MON1B: variants seen among roughly 807,000 people sequenced by gnomAD.
The protein encoded by MON1B is MON1 vesicular trafficking associated B, also known as vacuolar fusion protein MON1 homolog B.
In MON1B, 26 loss-of-function variants were observed where a neutral mutation model predicts 45.1. That is an observed-to-expected ratio of 0.58 (90% CI 0.42 to 0.80). The LOEUF (loss-of-function observed/expected upper bound fraction) is 0.80. Among genes scored for constraint, MON1B ranks in the 30% least tolerant of loss-of-function variants. The pLI, the probability that MON1B is intolerant of heterozygous loss-of-function variation, is 0.00. For missense variants in MON1B, 737 were observed against 754.5 expected (o/e 0.98, Z 0.27); for synonymous variants, 395 against 320.2 (o/e 1.23, Z -2.49).
rs1412505749 is a variant in MON1B, at chr16:77,199,156, C to T, written c.*848C>T. On this transcript the variant is annotated 3_prime_UTR_variant, in exon 6 of 6. Coordinates refer to ENST00000248248, the MANE Select transcript of MON1B (RefSeq NM_014940.4). ...TGACAACCTGCACAAGACAAGCAGC[C>T]TAAAGCAGGAGAGACCTCCCTAGGG... 2.6e-6 allele frequency: 1 copy of T among 388,920 alleles called. No individual in the cohort carries two copies. The highest frequency in any genetic ancestry group is 5.5e-5 in the South Asian group (1 of 18,254). 24.1% of individuals were successfully genotyped at this position (388,920 alleles called of 1,614,324 possible).
Position 77,194,945 on chromosome 16 carries a change from C to T in MON1B, c.1086C>T (p.Ala362=), listed in dbSNP as rs2054650392. 6.2e-7 allele frequency: 1 copy of T among 1,613,814 alleles called. No homozygotes were observed. The highest frequency in any genetic ancestry group is 8.5e-7 in the Non-Finnish European group (1 of 1,179,940). The change falls in exon 4 of 6, where the codon GCC becomes GCT. Residue 362 remains alanine (A), a synonymous_variant. Coordinates refer to ENST00000248248, the MANE Select transcript of MON1B (RefSeq NM_014940.4). This position sits in a 1 kb window ranked among gnomAD's most constrained non-coding sequence, Gnocchi z 8.1. ...LLGTQREAFH[A]MAACRRLVED... ...GCACCCAACGTGAAGCCTTCCATGC[C>T]ATGGCCGCCTGCCGGCGCCTGGTTG...
rs1301422463 is a variant in MON1B at position 77,199,361 on chromosome 16, C to G, written c.*1053C>G. ...ACCGCTGGCGTAACCGCGGGTTGCACGCATGCGTGCTGAAAAGCCTTTCAC... is the reference window on the plus strand; with the variant it reads ...ACCGCTGGCGTAACCGCGGGTTGCAGGCATGCGTGCTGAAAAGCCTTTCAC... On this transcript the variant is annotated 3_prime_UTR_variant, in exon 6 of 6. Coordinates refer to ENST00000248248, the MANE Select transcript of MON1B (RefSeq NM_014940.4). 3 of 1,324,770 alleles carry G rather than the reference C, an allele frequency of 2.3e-6. No individual in the cohort carries two copies. The highest frequency in any genetic ancestry group is 2.9e-5 in the African/African-American group (2 of 67,802). 82.1% of individuals were successfully genotyped at this position (1,324,770 alleles called of 1,614,324 possible).
In MON1B at chr16:77,200,272, G is replaced by GTATATGTGTATATATATATATA. The variant is rs1333107439; in HGVS notation, c.*1965_*1966insATATGTGTATATATATATATAT. 1 of 84,658 alleles carries GTATATGTGTATATATATATATA rather than the reference G, an allele frequency of 1.2e-5. No homozygotes were observed. Among genetic ancestry groups the GTATATGTGTATATATATATATA allele is most frequent in the South Asian group, 3.3e-4 (1 of 3,052 alleles). The allele number at this position is 84,658 out of a possible 1,614,324, so 5.2% of individuals were successfully genotyped here. On this transcript the variant is annotated 3_prime_UTR_variant, in exon 6 of 6. Transcript: ENST00000248248. ...TGTATATGTGTATATATATATATAT[G>GTATATGTGTATATATATATATA]TGTATATATATATATATATACACAC...
chr16:77,194,279 C>T lies in MON1B; in HGVS notation c.476-56C>T. 6.8e-7 allele frequency: 1 copy of T among 1,478,924 alleles called. No homozygotes were observed. Among genetic ancestry groups the T allele is most frequent in the Non-Finnish European group, 9.3e-7 (1 of 1,071,004 alleles). 91.6% of individuals were successfully genotyped at this position (1,478,924 alleles called of 1,614,324 possible). ...GAGGGCAGAAGAGCCCCACTGTCTC[C>T]CTCTGGTCATTCCTGATCCAGCTGT... On this transcript the variant is annotated intron_variant, in intron 3 of 5. Transcript: ENST00000248248. The surrounding 1 kb of genome is among the most constrained non-coding windows in gnomAD (Gnocchi z 8.1).
chr16:77,199,307 G>T lies in MON1B; in HGVS notation c.*999G>T. On this transcript the variant is annotated 3_prime_UTR_variant, in exon 6 of 6. Coordinates refer to ENST00000248248, the MANE Select transcript of MON1B (RefSeq NM_014940.4). ...GGCAATCAGGGCCGCAGTGTGTTCT[G>T]CGCCTGCCCAGAGCTGACTCCTGAT... 1.4e-6 allele frequency: 1 copy of T among 723,338 alleles called. No individual in the cohort carries two copies. Among genetic ancestry groups the T allele is most frequent in the East Asian group, 2.7e-5 (1 of 36,780 alleles). 44.8% of individuals were successfully genotyped at this position (723,338 alleles called of 1,614,324 possible).
In MON1B at chr16:77,191,265, G is replaced by C. The variant is rs1390704933; in HGVS notation, c.-11+7G>C. 1 of 1,540,460 alleles carries C rather than the reference G, an allele frequency of 6.5e-7. No individual in the cohort carries two copies. The highest frequency in any genetic ancestry group is 1.4e-5 in the African/African-American group (1 of 73,180). ...AGATTCGGAGTTAAAACAGGTGTTT[G>C]TATATCTCTATTTCCTGAGGCCCAG... On this transcript the variant is annotated splice_region_variant and intron_variant, in intron 1 of 5. Transcript: ENST00000248248.
rs767304693 is a variant in MON1B at position 77,195,592 on chromosome 16, G to A, written c.1353G>A (p.Leu451=). Reference sequence around the variant, plus strand: ...AGGAGCGGCAGCGGCTGTCGGACCTGTACCACCGCCTGCATGCTCGTCTCC... The same window carrying A: ...AGGAGCGGCAGCGGCTGTCGGACCTATACCACCGCCTGCATGCTCGTCTCC... ...REEERQRLSD[L]YHRLHARLHS... Residue 451 remains leucine, a synonymous_variant, in exon 5 of 6, where the codon CTG becomes CTA. Coordinates refer to ENST00000248248, the MANE Select transcript of MON1B (RefSeq NM_014940.4). 1 of 1,614,054 alleles carries A rather than the reference G, an allele frequency of 6.2e-7. No individual in the cohort carries two copies. Among genetic ancestry groups the A allele is most frequent in the Admixed American group, 1.7e-5 (1 of 60,004 alleles).
rs1040616072 is a variant in MON1B, at chr16:77,199,634, T to G, written c.*1326T>G. 1.4e-5 allele frequency: 12 copies of G among 879,580 alleles called. No individual in the cohort carries two copies. The highest frequency in any genetic ancestry group is 2.1e-5 in the Non-Finnish European group (12 of 579,502). The allele number at this position is 879,580 out of a possible 1,614,324, so 54.5% of individuals were successfully genotyped here. The stretch of plus-strand genomic sequence containing the variant: ...ATTTTTTTAAATAAAATGTTAAGCC[T>G]TTTGTTATTGAAGAAAAACAATTTT... On this transcript the variant is annotated 3_prime_UTR_variant, in exon 6 of 6. Transcript: ENST00000248248.
Position 77,194,458 on chromosome 16 carries a change from C to T in MON1B, c.599C>T (p.Thr200Ile). ...LLAVHAQIVS[T>I]LTRASVARIF... is the part of the protein sequence containing the mutation. ...GCTGTGCACGCACAGATCGTGAGCA[C>T]ACTTACACGTGCAAGTGTCGCCCGC... is the stretch of plus-strand genomic sequence containing the variant. Residue 200 changes from threonine to isoleucine, a missense_variant, in exon 4 of 6, where the codon ACA becomes ATA. Coordinates refer to ENST00000248248, the MANE Select transcript of MON1B (RefSeq NM_014940.4). The surrounding 1 kb of genome is among the most constrained non-coding windows in gnomAD (Gnocchi z 8.1). The T allele has an allele frequency of 1.2e-6, 2 of 1,614,088 alleles. No individual in the cohort carries two copies. The highest frequency in any genetic ancestry group is 1.7e-6 in the Non-Finnish European group (2 of 1,180,020).
chr16:77,199,539 CT>C lies in MON1B; in HGVS notation c.*1234del. On this transcript the variant is annotated 3_prime_UTR_variant, in exon 6 of 6. Coordinates refer to ENST00000248248, the MANE Select transcript of MON1B (RefSeq NM_014940.4). Reference sequence around the variant, plus strand: ...TAGTGAGGGCAAGTGGGCTGCACTCCTTTCTCTCCAACCAGGGCAGAAAGGA... The same window carrying C: ...TAGTGAGGGCAAGTGGGCTGCACTCCTTCTCTCCAACCAGGGCAGAAAGGA... 1 of 1,522,050 alleles carries C rather than the reference CT, an allele frequency of 6.6e-7. No individual in the cohort carries two copies. Among genetic ancestry groups the C allele is most frequent in the Non-Finnish European group, 8.9e-7 (1 of 1,120,638 alleles). The allele number at this position is 1,522,050 out of a possible 1,614,324, so 94.3% of individuals were successfully genotyped here.
chr16:77,199,111 T>G lies in MON1B; in HGVS notation c.*803T>G, dbSNP rs545144328. On this transcript the variant is annotated 3_prime_UTR_variant, in exon 6 of 6. Coordinates refer to ENST00000248248, the MANE Select transcript of MON1B (RefSeq NM_014940.4). The stretch of plus-strand genomic sequence containing the variant: ...CTATTGTGTACCACCACATAGCACA[T>G]GCACGTCTGTCCCAGACTTTGACAA... The G allele has an allele frequency of 1.0e-5, 3 of 297,326 alleles. No individual in the cohort carries two copies. The highest frequency in any genetic ancestry group is 1.9e-5 in the Non-Finnish European group (3 of 160,580). 18.4% of individuals were successfully genotyped at this position (297,326 alleles called of 1,614,324 possible).
Position 77,193,741 on chromosome 16 carries a change from CAG to C in MON1B, c.442_443del (p.Ser148CysfsTer11). 1 of 1,613,784 alleles carries C rather than the reference CAG, an allele frequency of 6.2e-7. No individual in the cohort carries two copies. Among genetic ancestry groups the C allele is most frequent in the Non-Finnish European group, 8.5e-7 (1 of 1,179,824 alleles). On this transcript the variant is annotated frameshift_variant, in exon 3 of 6. Transcript: ENST00000248248. LOFTEE classifies it high-confidence loss of function. This position sits in a 1 kb window ranked among gnomAD's most constrained non-coding sequence, Gnocchi z 5.0. Reference sequence around the variant, plus strand: ...AATGACCGCCCTGGTGTCCTTTGTGCAGAGTGCGGGAGATGCCATCCGTGCCA... The same window carrying C: ...AATGACCGCCCTGGTGTCCTTTGTGCAGTGCGGGAGATGCCATCCGTGCCA... ...GVMTALVSFV[Q>X]SAGDAIRAIY...
Position 77,198,299 on chromosome 16 carries a change from T to C in MON1B, c.1635T>C (p.Thr545=). 2.5e-6 allele frequency: 4 copies of C among 1,614,054 alleles called. No homozygotes were observed. The South Asian group carries it at 3.3e-5, about 13-fold the overall frequency. ...TDQAAHNGLF[T]GL ...AAGCTGCCCATAATGGCTTGTTCAC[T>C]GGACTCTGATAGTTGGAGCTCCCAG... The change falls in exon 6 of 6, where the codon ACT becomes ACC. Residue 545 remains threonine, a synonymous_variant. Coordinates refer to ENST00000248248, the MANE Select transcript of MON1B (RefSeq NM_014940.4).
rs1567418976 is a variant in MON1B at position 77,194,713 on chromosome 16, T to C, written c.854T>C (p.Ile285Thr). The change falls in exon 4 of 6, where the codon ATA becomes ACA. Residue 285 changes from isoleucine (I) to threonine (T), a missense_variant. Physicochemically the swap from Ile to Thr is moderately conservative, Grantham distance 89 (BLOSUM62 -1). Coordinates refer to ENST00000248248, the MANE Select transcript of MON1B (RefSeq NM_014940.4). The surrounding 1 kb of genome is among the most constrained non-coding windows in gnomAD (Gnocchi z 8.1). ...GTGCTGGCAGTAGGCGGTCGACTTA[T>C]AACAGCAGCCCAGGAGCGAAATGTG... Reference protein sequence around the residue: ...LSVLAVGGRLITAAQERNVLA... With the variant: ...LSVLAVGGRLTTAAQERNVLA... 6 of 1,613,740 alleles carry C rather than the reference T, an allele frequency of 3.7e-6. No individual in the cohort carries two copies. The Admixed American group carries it at 5.0e-5, about 13-fold the overall frequency.
chr16:77,191,949 A>T (rs755888103), intron 2 of MON1B, among the ~76,000 whole-genome samples: 7 of 151,916 alleles, frequency 4.6e-5, no homozygotes, highest in Non-Finnish European at 1.0e-4. Context: ...CGCTGAAGAA[A>T]GTCAATAGAC....
rs1255566720 is a variant in MON1B at position 77,193,211 on chromosome 16, C to T, written c.149-240C>T. Among the ~76,000 whole-genome samples the T allele has an allele frequency of 1.3e-5, 2 of 152,070 alleles. No homozygotes were observed. Among genetic ancestry groups the T allele is most frequent in the Non-Finnish European group, 2.9e-5 (2 of 68,008 alleles). On this transcript the variant is annotated intron_variant, in intron 2 of 5. Transcript: ENST00000248248. This position sits in a 1 kb window ranked among gnomAD's most constrained non-coding sequence, Gnocchi z 5.0. ...GAACATAGCAAGTCCAGTGGAATAA[C>T]AATGAGAATATGTTGGTTTATTAGG...
chr16:77,199,545 C>T lies in MON1B; in HGVS notation c.*1237C>T, dbSNP rs1487032780. 18 of 1,495,758 alleles carry T rather than the reference C, an allele frequency of 1.2e-5. No homozygotes were observed. In the Admixed American group the frequency reaches 1.4e-4, roughly 11 times the overall value. The allele number at this position is 1,495,758 out of a possible 1,614,324, so 92.7% of individuals were successfully genotyped here. A position where few individuals can be genotyped will look rare whatever the true frequency, so the allele number is the denominator to read the frequency against. On this transcript the variant is annotated 3_prime_UTR_variant, in exon 6 of 6. Coordinates refer to ENST00000248248, the MANE Select transcript of MON1B (RefSeq NM_014940.4). ...GGGCAAGTGGGCTGCACTCCTTTCT[C>T]TCCAACCAGGGCAGAAAGGAGGGAG...
intron 4 of MON1B, 131 bp downstream of exon 4, chr16:77,195,285 G>C: frequency 9.4e-7 from 1 of 1,063,874 alleles, no homozygotes; most frequent in Non-Finnish European, 1.3e-6. Flanking sequence ...ACAAGTCTCT[G>C]TCTGATGATG....
rs1347385863 is a variant in MON1B at position 77,199,151 on chromosome 16, G to A, written c.*843G>A. On this transcript the variant is annotated 3_prime_UTR_variant, in exon 6 of 6. Coordinates refer to ENST00000248248, the MANE Select transcript of MON1B (RefSeq NM_014940.4). ...GACTTTGACAACCTGCACAAGACAA[G>A]CAGCCTAAAGCAGGAGAGACCTCCC... is the stretch of plus-strand genomic sequence containing the variant. 5.4e-6 allele frequency: 2 copies of A among 368,336 alleles called. No individual in the cohort carries two copies. Among genetic ancestry groups the A allele is most frequent in the Non-Finnish European group, 9.8e-6 (2 of 204,780 alleles). The allele number at this position is 368,336 out of a possible 1,614,324, so 22.8% of individuals were successfully genotyped here. A position where few individuals can be genotyped will look rare whatever the true frequency, so the allele number is the denominator to read the frequency against.
Sources: allele counts gnomAD v4.1 joint callset (sites outside exome capture counted in the v4.1 genomes callset), GRCh38; gene constraint gnomAD v4.1.1; non-coding constraint Gnocchi (gnomAD v3.1); transcripts MANE v1.5; gene names NCBI Gene and HGNC (gene_info 2026-07-23, HGNC 2026-07-21).